BCAS2: variants seen among roughly 807,000 people sequenced by gnomAD.
BCAS2 encodes the protein BCAS2 pre-mRNA processing factor, also known as pre-mRNA-splicing factor SPF27.
A neutral mutation model predicts 35.3 loss-of-function variants in BCAS2; 34 were observed. The ratio of observed to expected loss-of-function variants is 0.96; its 90% CI spans 0.73 to 1.28. BCAS2 has a LOEUF of 1.28. BCAS2 is among the 50% of genes most tolerant of loss of function. The probability of loss-of-function intolerance (pLI) is 0.00; values close to 1 mark genes in which losing one functional copy is unlikely to be tolerated. For missense variants in BCAS2, 221 were observed against 268.1 expected (o/e 0.82, Z 1.23); for synonymous variants, 75 against 91.6 (o/e 0.82, Z 1.03).
intron 6 of BCAS2, among the ~76,000 whole-genome samples, chr1:114,568,720 A>G (rs1385733239): frequency 2.0e-5 from 3 of 151,104 alleles, no homozygotes; most frequent in South Asian, 2.1e-4. Flanking sequence ...AATTGTGGAA[A>G]AGTAGGTAAA....
intron 4 of BCAS2, among the ~76,000 whole-genome samples, chr1:114,571,377 A>T (rs983450221): frequency 3.3e-5 from 5 of 151,702 alleles, no homozygotes; most frequent in Admixed American, 3.3e-4. Flanking sequence ...TGCGGAGGGG[A>T]GGGACAGAGT....
chr1:114,572,170 C>T (rs1654662159), intron 4 of BCAS2, among the ~76,000 whole-genome samples: 1 of 152,178 alleles, frequency 6.6e-6, no homozygotes, highest in Non-Finnish European at 1.5e-5. Flanking sequence ...TTTTCTGTTG[C>T]TCACCTGAGT....
Position 114,581,406 on chromosome 1 carries a change from A to G in BCAS2, c.94-15T>C, listed in dbSNP as rs1274214178. ...AGCGCTGCAGCCTAAGAAAGAGAAT[A>G]GGGACCAGGGTAGAAGTGGCAAATT... On this transcript the variant is annotated splice_polypyrimidine_tract_variant and intron_variant, in intron 1 of 6. Transcript: ENST00000369541. 1 of 1,614,168 alleles carries G rather than the reference A, an allele frequency of 6.2e-7. No homozygotes were observed. Among genetic ancestry groups the G allele is most frequent in the South Asian group, 1.1e-5 (1 of 91,074 alleles).
chr1:114,577,975 G>C (rs748810544), intron 2 of BCAS2, among the ~76,000 whole-genome samples: 1 of 152,130 alleles, frequency 6.6e-6, no homozygotes, highest in Non-Finnish European at 1.5e-5. Context: ...GGTGGATCAC[G>C]AGGTCAAGAG....
chr1:114,577,991 G>C (rs1301181650), intron 2 of BCAS2, among the ~76,000 whole-genome samples: 1 of 152,162 alleles, frequency 6.6e-6, no homozygotes, highest in African/African-American at 2.4e-5. Context: ...AAGAGATCAA[G>C]ACCATCCTGG....
rs41274118 is a variant in BCAS2, at chr1:114,576,771, T to C, written c.187-13A>G. The C allele has an allele frequency of 0.14, 228,515 of 1,595,354 alleles. 19,188 individuals are homozygous for C. Among genetic ancestry groups the C allele is most frequent in the East Asian group, 0.4 (18,031 of 44,716 alleles). ...TCATTATGTCAGTCTGATGTGTAAA[T>C]CAGAAAAAAGATTTCTAAGATCATG... On this transcript the variant is annotated splice_polypyrimidine_tract_variant and intron_variant, in intron 2 of 6. Coordinates refer to ENST00000369541, the MANE Select transcript of BCAS2 (RefSeq NM_005872.3).
At position 114,581,485 on chromosome 1, in the gene BCAS2, C is replaced by G. The variant is rs1193871171; in HGVS notation, c.93+14G>C. 6.2e-7 allele frequency: 1 copy of G among 1,614,094 alleles called. No individual in the cohort carries two copies. Among genetic ancestry groups the G allele is most frequent in the Non-Finnish European group, 8.5e-7 (1 of 1,179,994 alleles). On this transcript the variant is annotated intron_variant, in intron 1 of 6. Coordinates refer to ENST00000369541, the MANE Select transcript of BCAS2 (RefSeq NM_005872.3). ...GCTAGCAGTGAGTCAGCTACAAAGA[C>G]ACCCCGCACTCACCGCTTCCCGCAC...
chr1:114,577,638 T>C (rs1208024939), intron 2 of BCAS2, among the ~76,000 whole-genome samples: 1 of 152,142 alleles, frequency 6.6e-6, no homozygotes, highest in Non-Finnish European at 1.5e-5. Flanking sequence ...AAGTGTCTTT[T>C]CTTTATATTC....
chr1:114,573,518 C>A (rs964865433), intron 4 of BCAS2, among the ~76,000 whole-genome samples: 2 of 152,172 alleles, frequency 1.3e-5, no homozygotes, highest in Non-Finnish European at 2.9e-5. Flanking sequence ...TAAGCGTGAA[C>A]CACGCCTGGC....
In BCAS2 at chr1:114,575,688, T is replaced by C. The variant is rs754031234; in HGVS notation, c.321A>G (p.Val107=). 1.9e-6 allele frequency: 3 copies of C among 1,613,528 alleles called. No homozygotes were observed. The South Asian group carries it at 3.3e-5, about 18-fold the overall frequency. ...KNDITAWQEC[V]NNSMAQLEHQ... is the part of the protein sequence containing the mutation. The stretch of plus-strand genomic sequence containing the variant: ...GCTCTAACTGGGCCATAGAATTGTT[T>C]ACACATTCTTGCCATGCAGTAATGT... Residue 107 remains valine, a synonymous_variant, in exon 4 of 7, where the codon GTA becomes GTG. Transcript: ENST00000369541.
chr1:114,579,535 A>G (rs1040084973), intron 2 of BCAS2, among the ~76,000 whole-genome samples: 48 of 152,334 alleles, frequency 3.2e-4, no homozygotes, highest in Non-Finnish European at 4.3e-4. Context: ...GAAAAAGCAT[A>G]GGAAAACACG....
At chr1:114,577,600 G>A (rs1189174971) in intron 2 of BCAS2, among the ~76,000 whole-genome samples, 1 of 151,938 alleles carries the variant, frequency 6.6e-6, no homozygotes, top group Admixed American at 6.6e-5. Flanking sequence ...CTCCTGACCT[G>A]AGGTGATCGG....
rs1189135197 is a variant in BCAS2, at chr1:114,576,752, T to C, written c.193A>G (p.Ile65Val). 3 of 1,609,266 alleles carry C rather than the reference T, an allele frequency of 1.9e-6. No individual in the cohort carries two copies. The highest frequency in any genetic ancestry group is 2.5e-6 in the Non-Finnish European group (3 of 1,178,252). ...AGTCTTTCAAATTCATTTCTCATTA[T>C]GTCAGTCTGATGTGTAAATCAGAAA... is the stretch of plus-strand genomic sequence containing the variant. ...APDYSAFETDIMRNEFERLAA... is the reference protein window; with the variant it reads ...APDYSAFETDVMRNEFERLAA... The change falls in exon 3 of 7, where the codon ATA (isoleucine) becomes GTA (valine). Residue 65 changes from isoleucine (I) to valine (V), a missense_variant. Ile to Val is a conservative substitution (Grantham distance 29, BLOSUM62 3). Coordinates refer to ENST00000369541, the MANE Select transcript of BCAS2 (RefSeq NM_005872.3).
Position 114,581,601 on chromosome 1 carries a change from C to G in BCAS2, c.-10G>C, listed in dbSNP as rs1654894390. ...AACCTGTGCCCGCCATTCTGAGGACCTCAGGTTTGCCTGCGTTTTCTGCGT... is the reference window on the plus strand; with the variant it reads ...AACCTGTGCCCGCCATTCTGAGGACGTCAGGTTTGCCTGCGTTTTCTGCGT... On this transcript the variant is annotated 5_prime_UTR_variant, in exon 1 of 7. Coordinates refer to ENST00000369541, the MANE Select transcript of BCAS2 (RefSeq NM_005872.3). 2 of 1,612,834 alleles carry G rather than the reference C, an allele frequency of 1.2e-6. No homozygotes were observed. Among genetic ancestry groups the G allele is most frequent in the African/African-American group, 1.3e-5 (1 of 74,906 alleles).
chr1:114,571,800 C>T (rs944647920), intron 4 of BCAS2, among the ~76,000 whole-genome samples: 2 of 152,124 alleles, frequency 1.3e-5, no homozygotes, highest in Admixed American at 6.5e-5. Flanking sequence ...CTGTCTACTG[C>T]TAACTAGAGA....
intron 4 of BCAS2, among the ~76,000 whole-genome samples, chr1:114,571,785 T>G (rs1299690125): frequency 6.6e-6 from 1 of 152,160 alleles, no homozygotes; most frequent in Non-Finnish European, 1.5e-5. Context: ...TGTCATTCTC[T>G]CCTCCTGTCT....
At chr1:114,576,643 G>A (rs879157839) in intron 3 of BCAS2, 45 bp downstream of exon 3, 4 of 1,455,546 alleles carry the variant, frequency 2.7e-6, no homozygotes, top group South Asian at 1.2e-5. Context: ...GCTCATTACT[G>A]AGTTACTACA....
chr1:114,576,605 C>A, intron 3 of BCAS2, 83 bp downstream of exon 3: 4 of 1,198,790 alleles, frequency 3.3e-6, no homozygotes, highest in Non-Finnish European at 4.8e-6. Flanking sequence ...CCAATATTAG[C>A]CAGCAAATAC....
chr1:114,576,142 C>T (rs568149570), intron 3 of BCAS2, among the ~76,000 whole-genome samples: 1 of 151,726 alleles, frequency 6.6e-6, no homozygotes, highest in African/African-American at 2.4e-5. Flanking sequence ...CATACCCATG[C>T]GCCGGTAGAG....
Sources: gnomAD v4.1 joint callset for allele counts (sites outside exome capture counted in the v4.1 genomes callset) on GRCh38, gnomAD v4.1.1 for gene constraint, MANE v1.5 for transcripts, NCBI Gene and HGNC (gene_info 2026-07-23, HGNC 2026-07-21) for gene names.